The following GPHN variants were observed in gnomAD, a reference collection of about 807,000 sequenced individuals.
The protein encoded by GPHN is gephyrin.
GPHN carries 17 observed loss-of-function variants against 95.5 expected under a neutral mutation model. The observed-to-expected ratio is 0.18, with a 90% CI of 0.12 to 0.27. GPHN has a LOEUF of 0.27. GPHN is among the 10% of genes least tolerant of loss of function. The pLI is 1.00. For synonymous variants in GPHN, 320 were observed against 322.5 expected, an observed-to-expected ratio of 0.99 and a Z score of 0.08; for missense variants, 660 against 978.1, an observed-to-expected ratio of 0.67 and a Z score of 4.34.
chr14:67,082,340 C>A (rs138701375), intron 11 of GPHN, among the ~76,000 whole-genome samples: 1 of 152,152 alleles, frequency 6.6e-6, no homozygotes, highest in East Asian at 1.9e-4. Context: ...CAATTTTATT[C>A]TTTTGCATTT....
chr14:66,523,153 G>A (rs2058548287), intron 1 of GPHN, among the ~76,000 whole-genome samples: 1 of 152,016 alleles, frequency 6.6e-6, no homozygotes, highest in South Asian at 2.1e-4. Context: ...ACTAGAAAAA[G>A]ACACAGACAT....
chr14:67,672,429 T>C, the GPHN span, among the ~76,000 whole-genome samples: 4 of 133,560 alleles, frequency 3.0e-5, no homozygotes, highest in East Asian at 2.3e-4. Context: ...TGCAGTCTAC[T>C]TTTTTTTCTT....
the GPHN span, among the ~76,000 whole-genome samples, chr14:67,415,339 T>C: frequency 2.0e-5 from 3 of 152,308 alleles, no homozygotes; most frequent in Middle Eastern, 3.4e-3. Flanking sequence ...ATAATTTAAA[T>C]AACTGCATAA....
intron 1 of GPHN, among the ~76,000 whole-genome samples, chr14:66,586,341 A>G (rs2061418372): frequency 6.6e-6 from 1 of 152,166 alleles, no homozygotes; most frequent in Admixed American, 6.5e-5. Flanking sequence ...CTCTGTATCC[A>G]GTTTACCAGT....
chr14:66,918,887 G>A (rs1438687606), intron 6 of GPHN, among the ~76,000 whole-genome samples: 4 of 151,930 alleles, frequency 2.6e-5, no homozygotes, highest in East Asian at 1.9e-4. Flanking sequence ...CATCTTTCCC[G>A]ATATTATGTA....
chr14:67,456,088 A>C, the GPHN span, among the ~76,000 whole-genome samples: 2 of 152,260 alleles, frequency 1.3e-5, no homozygotes, highest in Non-Finnish European at 2.9e-5. Flanking sequence ...TCTAATATCC[A>C]GAATCTATAA....
chr14:66,582,092 G>A (rs1174324211), intron 1 of GPHN, among the ~76,000 whole-genome samples: 2 of 151,870 alleles, frequency 1.3e-5, no homozygotes, highest in South Asian at 2.1e-4. Flanking sequence ...CATTTTTCTC[G>A]AGCATTTTGG....
intron 3 of GPHN, among the ~76,000 whole-genome samples, chr14:66,793,514 A>G (rs1416729115): frequency 1.3e-5 from 2 of 152,200 alleles, no homozygotes; most frequent in Non-Finnish European, 2.9e-5. Flanking sequence ...TAAATTATAT[A>G]AGGTAATAAT....
chr14:67,033,479 G>A (rs544907502), intron 10 of GPHN, among the ~76,000 whole-genome samples: 4 of 151,896 alleles, frequency 2.6e-5, no homozygotes, highest in Admixed American at 6.6e-5. Context: ...CAAAAGAATC[G>A]CTTGAACCCA....
chr14:67,033,908 A>G (rs1271497080), intron 10 of GPHN, among the ~76,000 whole-genome samples: 2 of 152,212 alleles, frequency 1.3e-5, no homozygotes, highest in African/African-American at 2.4e-5. Flanking sequence ...AGAAGGGAGC[A>G]GTACGTTATA....
chr14:66,523,637 A>G (rs926872763), intron 1 of GPHN, among the ~76,000 whole-genome samples: 3 of 152,064 alleles, frequency 2.0e-5, no homozygotes, highest in African/African-American at 7.2e-5. Context: ...AGTTTTTTTC[A>G]TCTGTCAAAT....
At chr14:67,225,962 T>TGTGTGTGTGTGTGTGCGCGCGCGC in the GPHN span, among the ~76,000 whole-genome samples, 1 of 113,490 alleles carries the variant, frequency 8.8e-6, no homozygotes, top group African/African-American at 5.1e-5. Flanking sequence ...TGTGTGTGTG[T>TGTGTGTGTGTGTGTGCGCGCGCGC]GCGCGCGCGC....
the GPHN span, among the ~76,000 whole-genome samples, chr14:67,689,728 G>A: frequency 6.6e-6 from 1 of 152,132 alleles, no homozygotes; most frequent in African/African-American, 2.4e-5. Context: ...TGGATCACCT[G>A]AGGTCACGAG....
chr14:67,634,306 G>A, the GPHN span, among the ~76,000 whole-genome samples: 39 of 151,926 alleles, frequency 2.6e-4, no homozygotes, highest in Non-Finnish European at 5.3e-4. Context: ...CTAAATGTTA[G>A]TAGGGGCTGG....
chr14:67,026,795 A>G (rs1380444947), intron 10 of GPHN, among the ~76,000 whole-genome samples: 7 of 152,140 alleles, frequency 4.6e-5, no homozygotes, highest in South Asian at 4.2e-4. Flanking sequence ...GGTGCCCGCC[A>G]CCTCGCCCGG....
intron 1 of GPHN, among the ~76,000 whole-genome samples, chr14:66,601,668 T>A (rs1405997555): frequency 6.6e-6 from 1 of 151,912 alleles, no homozygotes; most frequent in Admixed American, 6.6e-5. Context: ...TTTCTTATTA[T>A]GGAAGAAGAA....
chr14:67,600,942 G>T, the GPHN span, among the ~76,000 whole-genome samples: 1 of 152,196 alleles, frequency 6.6e-6, no homozygotes, highest in Non-Finnish European at 1.5e-5. Context: ...AGAGTGAGCC[G>T]CAAGGAGAGC....
rs140245788 is a variant in GPHN at position 66,970,010 on chromosome 14, A to G, written c.963+4685A>G. 6.1e-3 allele frequency among the ~76,000 whole-genome samples: 926 copies of G among 151,560 alleles called. 31 individuals carry two copies. The highest frequency in any genetic ancestry group is 0.049 in the Admixed American group (740 of 15,240). ...AGTTTGATTTTGAGTAAGTAAATAT[A>G]GTCTATAGTCACATATGTTCCTGTA... is the stretch of plus-strand genomic sequence containing the variant. On this transcript the variant is annotated intron_variant, in intron 9 of 22. Transcript: ENST00000478722.
chr14:67,359,057 G>A, the GPHN span, among the ~76,000 whole-genome samples: 1 of 152,224 alleles, frequency 6.6e-6, no homozygotes, highest in Non-Finnish European at 1.5e-5. Flanking sequence ...GTGCAGCGGT[G>A]AGAGAGCAAA....
Sources: allele counts gnomAD v4.1 joint callset (sites outside exome capture counted in the v4.1 genomes callset), GRCh38; gene constraint gnomAD v4.1.1; transcripts MANE v1.5; gene names NCBI Gene and HGNC (gene_info 2026-07-23, HGNC 2026-07-21).